RAI1: variants seen among roughly 807,000 people sequenced by gnomAD.
RAI1 encodes retinoic acid-induced protein 1.
A neutral mutation model predicts 123.8 loss-of-function variants in RAI1; 9 were observed. The observed-to-expected ratio is 0.07, with a 90% confidence interval of 0.04 to 0.13. The LOEUF (loss-of-function observed/expected upper bound fraction) is 0.13. Ranked by LOEUF, RAI1 falls within the 10% of genes least tolerant of loss-of-function variation. The probability of loss-of-function intolerance (pLI) is 1.00; values close to 1 mark genes in which losing one functional copy is unlikely to be tolerated. For missense variants in RAI1, 2,256 were observed against 2,545.8 expected, an observed-to-expected ratio of 0.89 and a Z score of 2.45; for synonymous variants, 1,231 against 1,127.3, an observed-to-expected ratio of 1.09 and a Z score of -1.84.
Position 17,794,854 on chromosome 17 carries a change from A to G in RAI1, c.1906A>G (p.Ser636Gly), listed in dbSNP as rs2032169917. 5 of 1,613,128 alleles carry G rather than the reference A, an allele frequency of 3.1e-6. No homozygotes were observed. Among genetic ancestry groups the G allele is most frequent in the Non-Finnish European group, 3.4e-6 (4 of 1,179,978 alleles). ...WAEAPSLVKD[S>G]SKPPFSLENH... The stretch of plus-strand genomic sequence containing the variant: ...TGAAGCACCCAGCCTGGTCAAGGAC[A>G]GCAGCAAGCCACCCTTCTCGCTGGA... The change falls in exon 3 of 6, where the codon AGC becomes GGC. Residue 636 changes from serine to glycine, a missense_variant. Physicochemically the swap from Ser to Gly is moderately conservative, Grantham distance 56 (BLOSUM62 0). This residue lies in a region of RAI1 where 566 missense variants were observed against 616.0 expected (regional missense o/e 0.92). Coordinates refer to ENST00000353383, the MANE Select transcript of RAI1 (RefSeq NM_030665.4).
At chr17:17,695,809 A>T (rs1246578838) in intron 1 of RAI1, among the ~76,000 whole-genome samples, 1 of 152,118 alleles carries the variant, frequency 6.6e-6, no homozygotes. Context: ...GGTGTGAGCC[A>T]CTATGCCCGG....
At chr17:17,697,575 A>G (rs934025770) in intron 1 of RAI1, among the ~76,000 whole-genome samples, 4 of 152,214 alleles carry the variant, frequency 2.6e-5, no homozygotes, top group Non-Finnish European at 4.4e-5. Flanking sequence ...TGATTTATTT[A>G]TCTGGATTTG....
chr17:17,739,421 C>A (rs1187765837), intron 2 of RAI1, among the ~76,000 whole-genome samples: 1 of 152,176 alleles, frequency 6.6e-6, no homozygotes, highest in Admixed American at 6.5e-5. Context: ...GCTTAGCAGC[C>A]CTGACCAGGA....
chr17:17,727,515 G>A (rs990703049), intron 2 of RAI1, among the ~76,000 whole-genome samples: 2 of 152,204 alleles, frequency 1.3e-5, no homozygotes, highest in African/African-American at 4.8e-5. Flanking sequence ...GGCCACCCCC[G>A]ACTGGGTGTG....
At chr17:17,686,754 C>CCTGCTG (rs921562641) in intron 1 of RAI1, among the ~76,000 whole-genome samples, 6 of 151,530 alleles carry the variant, frequency 4.0e-5, no homozygotes, top group African/African-American at 1.5e-4. Flanking sequence ...GGGAGAAGTT[C>CCTGCTG]CTGCTGCTGC....
At chr17:17,756,810 G>T (rs1018019948) in intron 2 of RAI1, among the ~76,000 whole-genome samples, 1 of 152,212 alleles carries the variant, frequency 6.6e-6, no homozygotes, top group African/African-American at 2.4e-5. Context: ...GAAGTGGACG[G>T]GGAGGAAGAG....
At chr17:17,684,424 A>G (rs1914550542) in intron 1 of RAI1, 1 of 152,024 alleles carries the variant, frequency 6.6e-6, no homozygotes, top group South Asian at 2.1e-4. Context: ...GGTCATACCC[A>G]GAATTTGAAA....
intron 2 of RAI1, among the ~76,000 whole-genome samples, chr17:17,725,397 C>T (rs896146728): frequency 6.6e-6 from 1 of 152,148 alleles, no homozygotes; most frequent in African/African-American, 2.4e-5. Flanking sequence ...CTCGACCCCT[C>T]CCTCAGGGCC....
chr17:17,797,562 G>A lies in RAI1; in HGVS notation c.4614G>A (p.Lys1538=), dbSNP rs1450114912. ...HTNYSSYSKR[K]RLTRGRAKNT... The stretch of plus-strand genomic sequence containing the variant: ...ACTACAGCAGCTATTCCAAGCGGAA[G>A]CGCCTCACTCGGGGCCGGGCCAAGA... Residue 1538 remains lysine, a synonymous_variant, in exon 3 of 6, where the codon AAG becomes AAA. Coordinates refer to ENST00000353383, the MANE Select transcript of RAI1 (RefSeq NM_030665.4). 6.2e-7 allele frequency: 1 copy of A among 1,614,124 alleles called. No individual in the cohort carries two copies. The highest frequency in any genetic ancestry group is 1.7e-5 in the Admixed American group (1 of 60,030).
In RAI1 at chr17:17,797,720, G is replaced by T; in HGVS notation, c.4772G>T (p.Arg1591Leu). 6.2e-7 allele frequency: 1 copy of T among 1,613,630 alleles called. No individual in the cohort carries two copies. The highest frequency in any genetic ancestry group is 8.5e-7 in the Non-Finnish European group (1 of 1,179,762). Residue 1591 changes from arginine to leucine, a missense_variant, in exon 3 of 6, where the codon CGG (arginine) becomes CTG (leucine). Physicochemically the swap from Arg to Leu is moderately radical, Grantham distance 102. Around this residue, in one of 7 missense-constraint regions of RAI1, gnomAD observed 410 missense variants for 374.6 expected, o/e 1.09. Coordinates refer to ENST00000353383, the MANE Select transcript of RAI1 (RefSeq NM_030665.4). ...SSCKRLRSDSRTPAFSPFVRV... is the reference protein window; with the variant it reads ...SSCKRLRSDSLTPAFSPFVRV... ...TGCAAGCGGCTGAGGTCAGACAGCC[G>T]GACCCCCGCCTTCTCACCCTTCGTG...
intron 2 of RAI1, among the ~76,000 whole-genome samples, chr17:17,738,393 G>A (rs1173724308): frequency 6.6e-6 from 1 of 150,662 alleles, no homozygotes; most frequent in East Asian, 2.0e-4. Context: ...CTGGCCTGGC[G>A]GGGCGGGGTG....
chr17:17,716,978 G>A (rs950404220), intron 1 of RAI1, among the ~76,000 whole-genome samples: 11 of 152,216 alleles, frequency 7.2e-5, no homozygotes, highest in Admixed American at 2.0e-4. Context: ...GGCTTAGGCT[G>A]TAGCAGGCTA....
intron 2 of RAI1, among the ~76,000 whole-genome samples, chr17:17,784,538 AT>A (rs1184111936): frequency 6.6e-6 from 1 of 152,102 alleles, no homozygotes; most frequent in East Asian, 1.9e-4. Flanking sequence ...TGAGGGGGAG[AT>A]TTGACCTAGA....
intron 1 of RAI1, among the ~76,000 whole-genome samples, chr17:17,698,736 G>C (rs1476666773): frequency 6.6e-6 from 1 of 152,216 alleles, no homozygotes; most frequent in Non-Finnish European, 1.5e-5. Flanking sequence ...AGGTAGGAAA[G>C]CTCACCCCAG....
chr17:17,688,452 T>G (rs1340670144), intron 1 of RAI1, among the ~76,000 whole-genome samples: 2 of 151,588 alleles, frequency 1.3e-5, no homozygotes, highest in Admixed American at 1.3e-4. Flanking sequence ...GCCTCTGCAC[T>G]CCAGCCTGGG....
chr17:17,735,371 G>A (rs1009924879), intron 2 of RAI1, among the ~76,000 whole-genome samples: 2 of 61,444 alleles, frequency 3.3e-5, no homozygotes, highest in Non-Finnish European at 6.4e-5. Flanking sequence ...TTTTTTTTTT[G>A]AGACGGGGTT....
At chr17:17,724,315 G>A (rs1915998637) in intron 2 of RAI1, among the ~76,000 whole-genome samples, 156 bp downstream of exon 2, 1 of 151,214 alleles carries the variant, frequency 6.6e-6, no homozygotes, top group African/African-American at 2.4e-5. Flanking sequence ...CGCGGCGCCA[G>A]GATCTTGGCT....
At chr17:17,776,958 C>G (rs2142996765) in intron 2 of RAI1, 1 of 152,344 alleles carries the variant, frequency 6.6e-6, no homozygotes, top group South Asian at 2.1e-4. Flanking sequence ...GCCACTGCAC[C>G]CGGCCCTGTA....
At chr17:17,721,281 C>T (rs572582973) in intron 1 of RAI1, among the ~76,000 whole-genome samples, 4 of 152,188 alleles carry the variant, frequency 2.6e-5, no homozygotes, top group Non-Finnish European at 5.9e-5. Flanking sequence ...TCCATGCATT[C>T]ACTCACTCAT....
Sources: allele counts gnomAD v4.1 joint callset (sites outside exome capture counted in the v4.1 genomes callset), GRCh38; gene constraint gnomAD v4.1.1; regional missense constraint gnomAD v4.1.1; transcripts MANE v1.5; gene names NCBI Gene and HGNC (gene_info 2026-07-23, HGNC 2026-07-21).